ELF1: variants seen among roughly 807,000 people sequenced by gnomAD.
The protein encoded by ELF1 is ETS-related transcription factor Elf-1.
ELF1 carries 24 observed loss-of-function variants against 59.9 expected under a neutral mutation model. The observed-to-expected ratio is 0.40, with a 90% CI of 0.29 to 0.56. The LOEUF (loss-of-function observed/expected upper bound fraction) is 0.56. ELF1 is among the 20% of genes least tolerant of loss of function. The probability of loss-of-function intolerance (pLI) is 0.44; values close to 1 mark genes in which losing one functional copy is unlikely to be tolerated. For synonymous variants in ELF1, 248 were observed against 266.2 expected, an observed-to-expected ratio of 0.93 and a Z score of 0.67; for missense variants, 627 against 742.2, an observed-to-expected ratio of 0.84 and a Z score of 1.80.
At chr13:41,060,235 C>T (rs763390592) in intron 1 of ELF1, among the ~76,000 whole-genome samples, 2 of 152,202 alleles carry the variant, frequency 1.3e-5, no homozygotes, top group Non-Finnish European at 2.9e-5. Context: ...TTCCGTGGGG[C>T]CTCGTAAATA....
chr13:40,993,185 T>C lies in ELF1; in HGVS notation c.-228-10903A>G, dbSNP rs560695967. On this transcript the variant is annotated intron_variant, in intron 1 of 8. Coordinates refer to ENST00000239882, the MANE Select transcript of ELF1 (RefSeq NM_172373.4). Reference sequence around the variant, plus strand: ...TAGTGTGTGTGGTTCTTCCTGCATTTTCCCCTTTCTTCATTCCTAACAGTG... The same window carrying C: ...TAGTGTGTGTGGTTCTTCCTGCATTCTCCCCTTTCTTCATTCCTAACAGTG... 8.0e-6 allele frequency: 12 copies of C among 1,509,054 alleles called. 1 individual carries two copies. In the South Asian group the frequency reaches 1.1e-4, roughly 14 times the overall value. 93.5% of individuals were successfully genotyped at this position (1,509,054 alleles called of 1,614,324 possible).
intron 1 of ELF1, among the ~76,000 whole-genome samples, chr13:41,037,517 C>A (rs1227998243): frequency 6.6e-6 from 1 of 152,218 alleles, no homozygotes; most frequent in East Asian, 1.9e-4. Flanking sequence ...TAGTTTGAGG[C>A]TGGGCACGGT....
At chr13:41,051,932 C>CT (rs1566201457) in intron 1 of ELF1, among the ~76,000 whole-genome samples, 1 of 143,388 alleles carries the variant, frequency 7.0e-6, no homozygotes, top group African/African-American at 2.6e-5. Context: ...CTTTCTTTTT[C>CT]TCTTTTTTTT....
exon 1 of ELF1, chr13:41,060,888 C>G: frequency 2.9e-6 from 1 of 341,444 alleles, no homozygotes; most frequent in East Asian, 7.6e-5. Flanking sequence ...TCGCCACCGC[C>G]GCCTCTGCGC....
At chr13:40,972,325 A>G (rs1206453913) in intron 2 of ELF1, among the ~76,000 whole-genome samples, 1 of 152,232 alleles carries the variant, frequency 6.6e-6, no homozygotes, top group Non-Finnish European at 1.5e-5. Context: ...ATGTCGAAAC[A>G]AATGTTAAAG....
intron 1 of ELF1, among the ~76,000 whole-genome samples, chr13:41,056,093 C>A (rs999807286): frequency 2.6e-5 from 4 of 152,156 alleles, no homozygotes; most frequent in Non-Finnish European, 5.9e-5. Flanking sequence ...AGTTATAGAA[C>A]TATCACTGTA....
At position 40,932,565 on chromosome 13, in the gene ELF1, A is replaced by AG. The variant is rs1869478607; in HGVS notation, c.*859_*860insC. 2 of 152,226 alleles carry AG rather than the reference A, an allele frequency of 1.3e-5. No homozygotes were observed. The highest frequency in any genetic ancestry group is 2.4e-5 in the African/African-American group (1 of 41,466). The allele number at this position is 152,226 out of a possible 1,614,324, so 9.4% of individuals were successfully genotyped here. On this transcript the variant is annotated 3_prime_UTR_variant, in exon 9 of 9. Coordinates refer to ENST00000239882, the MANE Select transcript of ELF1 (RefSeq NM_172373.4). ...TAAACAAATTATTTAGGAAGAATTT[A>AG]TGGCAGATCTTACCCATAACAGATG...
At chr13:41,059,842 AC>A (rs1441894256) in intron 1 of ELF1, among the ~76,000 whole-genome samples, 1 of 151,572 alleles carries the variant, frequency 6.6e-6, no homozygotes, top group African/African-American at 2.4e-5. Context: ...CCCCACCTCC[AC>A]CCCAGGATGT....
At chr13:40,951,270 G>C in intron 4 of ELF1, 59 bp downstream of exon 4, 2 of 1,321,700 alleles carry the variant, frequency 1.5e-6, no homozygotes, top group Non-Finnish European at 2.1e-6. Flanking sequence ...TACTAATAAA[G>C]AAAGATGGCA....
upstream of ELF1, among the ~76,000 whole-genome samples, chr13:41,020,794 G>C (rs1411599073): frequency 6.6e-6 from 1 of 152,072 alleles, no homozygotes; most frequent in Non-Finnish European, 1.5e-5. Context: ...TCCCTGGAAA[G>C]TTCCCCCCAG....
At chr13:41,058,943 A>AG (rs1442626289) in intron 1 of ELF1, among the ~76,000 whole-genome samples, 1 of 152,236 alleles carries the variant, frequency 6.6e-6, no homozygotes, top group Non-Finnish European at 1.5e-5. Context: ...AATGCCCTCC[A>AG]GCCTGGGTTA....
At chr13:40,997,507 T>C (rs184038620) in intron 1 of ELF1, among the ~76,000 whole-genome samples, 3 of 152,176 alleles carry the variant, frequency 2.0e-5, no homozygotes, top group Non-Finnish European at 4.4e-5. Context: ...CCACCCACCT[T>C]GGCCTCCCAA....
chr13:41,048,812 A>G (rs73176951), intron 1 of ELF1, among the ~76,000 whole-genome samples: 22,574 of 151,458 alleles, frequency 0.15, 1,841 homozygotes, highest in Non-Finnish European at 0.19. Flanking sequence ...ACTACTATTC[A>G]TTCTCACTCC....
chr13:41,011,592 C>T (rs1054706291), intron 1 of ELF1, among the ~76,000 whole-genome samples: 4 of 151,248 alleles, frequency 2.6e-5, no homozygotes, highest in Admixed American at 1.3e-4. Context: ...TACAGTCACT[C>T]ACCATCATGC....
At position 40,952,941 on chromosome 13, in the gene ELF1, A is replaced by G. The variant is rs1372877198; in HGVS notation, c.254-1505T>C. ...GTGTATCTAAAAGATGTCTAACACA[A>G]TACTACTATCATATCTTAAATATAC... On this transcript the variant is annotated intron_variant, in intron 3 of 8. Transcript: ENST00000239882. Among the ~76,000 whole-genome samples the G allele has an allele frequency of 2.0e-5, 3 of 151,910 alleles. No individual in the cohort carries two copies. The East Asian group carries it at 5.8e-4, about 29-fold the overall frequency.
At chr13:40,986,649 T>G (rs927512140) in intron 1 of ELF1, among the ~76,000 whole-genome samples, 8 of 4,020 alleles carry the variant, frequency 2.0e-3, no homozygotes, top group Admixed American at 9.0e-3. Flanking sequence ...AGGCGAGGAC[T>G]TCACTCTGGC....
At chr13:40,948,339 C>T (rs1870630642) in intron 5 of ELF1, among the ~76,000 whole-genome samples, 1 of 152,118 alleles carries the variant, frequency 6.6e-6, no homozygotes, top group Admixed American at 6.6e-5. Context: ...ATTTCTTTCC[C>T]CCAAGAGGGT....
intron 2 of ELF1, among the ~76,000 whole-genome samples, chr13:40,970,027 AT>A (rs1872431767): frequency 6.6e-6 from 1 of 152,254 alleles, no homozygotes; most frequent in East Asian, 1.9e-4. Context: ...TTACTGGCAC[AT>A]TTTCAAAGAA....
At chr13:40,972,758 A>G (rs1297933564) in intron 2 of ELF1, among the ~76,000 whole-genome samples, 1 of 152,200 alleles carries the variant, frequency 6.6e-6, no homozygotes, top group Non-Finnish European at 1.5e-5. Context: ...ACACAGCTAG[A>G]GCCAGGCTCC....
Sources: allele counts gnomAD v4.1 joint callset (sites outside exome capture counted in the v4.1 genomes callset), GRCh38; gene constraint gnomAD v4.1.1; transcripts MANE v1.5; gene names NCBI Gene and HGNC (gene_info 2026-07-23, HGNC 2026-07-21).